SPI1: variants seen among roughly 807,000 people sequenced by gnomAD.
SPI1 encodes transcription factor PU.1.
SPI1 carries 3 observed loss-of-function variants against 30.7 expected under a neutral mutation model. The ratio of observed to expected loss-of-function variants is 0.10; its 90% CI spans 0.04 to 0.25. The LOEUF is 0.25. SPI1 is among the 10% of genes least tolerant of loss of function. SPI1 has a pLI of 1.00. For missense variants in SPI1, 261 were observed against 371.5 expected (o/e 0.70, Z 2.45); for synonymous variants, 169 against 157.1 (o/e 1.08, Z -0.56).
chr11:47,358,725 G>A, intron 4 of SPI1, 119 bp downstream of exon 4: 6 of 943,256 alleles, frequency 6.4e-6, no homozygotes, highest in Non-Finnish European at 8.2e-6. Flanking sequence ...TGGCAAACAT[G>A]CACACACACA....
chr11:47,362,066 G>A (rs1394470474), intron 2 of SPI1, among the ~76,000 whole-genome samples: 1 of 152,126 alleles, frequency 6.6e-6, no homozygotes, highest in East Asian at 1.9e-4. Flanking sequence ...ACCACTGTGT[G>A]ACAATGGGCA....
Position 47,355,165 on chromosome 11 carries a change from G to T in SPI1, c.*62C>A. 1 of 1,241,950 alleles carries T rather than the reference G, an allele frequency of 8.1e-7. No homozygotes were observed. Among genetic ancestry groups the T allele is most frequent in the South Asian group, 2.7e-5 (1 of 37,704 alleles). 76.9% of individuals were successfully genotyped at this position (1,241,950 alleles called of 1,614,324 possible). On this transcript the variant is annotated 3_prime_UTR_variant, in exon 5 of 5. Coordinates refer to ENST00000378538, the MANE Select transcript of SPI1 (RefSeq NM_003120.3). Reference sequence around the variant, plus strand: ...GAGCGTCCTCCCTGTGTCCGGGCCGGGCGAGGGCTTAATGCTATGGCCAGC... The same window carrying T: ...GAGCGTCCTCCCTGTGTCCGGGCCGTGCGAGGGCTTAATGCTATGGCCAGC...
chr11:47,363,090 T>A (rs2095923242), intron 2 of SPI1, among the ~76,000 whole-genome samples: 1 of 152,188 alleles, frequency 6.6e-6, no homozygotes, highest in African/African-American at 2.4e-5. Context: ...GTCACTGCAG[T>A]TGAAGCCCAA....
intron 2 of SPI1, among the ~76,000 whole-genome samples, chr11:47,370,469 C>T (rs1001380587): frequency 6.0e-5 from 9 of 150,802 alleles, no homozygotes; most frequent in Admixed American, 3.3e-4. Flanking sequence ...TTTGGGAGTC[C>T]GAGGCGGGCA....
At chr11:47,365,707 A>T (rs2095927153) in intron 2 of SPI1, among the ~76,000 whole-genome samples, 1 of 151,772 alleles carries the variant, frequency 6.6e-6, no homozygotes, top group African/African-American at 2.4e-5. Flanking sequence ...TTTTTATTTT[A>T]TTTTTTTGAG....
At chr11:47,356,555 CAT>C (rs1454247557) in intron 4 of SPI1, among the ~76,000 whole-genome samples, 1 of 151,160 alleles carries the variant, frequency 6.6e-6, no homozygotes, top group Non-Finnish European at 1.5e-5. Context: ...TTCACACACT[CAT>C]GTTCACACAC....
At chr11:47,373,050 G>A (rs939023839) in intron 2 of SPI1, among the ~76,000 whole-genome samples, 21 of 152,146 alleles carry the variant, frequency 1.4e-4, no homozygotes, top group African/African-American at 4.8e-4. Flanking sequence ...ACCTTCCAGC[G>A]GGTATAAAAA....
At chr11:47,362,477 C>G (rs547272995) in intron 2 of SPI1, among the ~76,000 whole-genome samples, 1 of 151,774 alleles carries the variant, frequency 6.6e-6, no homozygotes, top group Non-Finnish European at 1.5e-5. Context: ...GAGGCTGATA[C>G]GAAAAGATCG....
intron 1 of SPI1, among the ~76,000 whole-genome samples, chr11:47,376,814 GACC>G (rs2095942996): frequency 1.3e-5 from 2 of 152,162 alleles, no homozygotes; most frequent in Admixed American, 1.3e-4. Flanking sequence ...GGGCTTGGGG[GACC>G]GGGGCTGCCT....
chr11:47,367,127 G>A (rs945072872), intron 2 of SPI1, among the ~76,000 whole-genome samples: 4 of 152,202 alleles, frequency 2.6e-5, no homozygotes, highest in Non-Finnish European at 5.9e-5. Context: ...GATTAGATGG[G>A]TGTGTGAATA....
chr11:47,357,130 TCACA>T (rs370316224), intron 4 of SPI1, among the ~76,000 whole-genome samples: 4 of 148,488 alleles, frequency 2.7e-5, no homozygotes, highest in African/African-American at 1.0e-4. Context: ...TGCTCACACC[TCACA>T]CATGCTCACA....
At chr11:47,356,160 A>C (rs1287310278) in intron 4 of SPI1, among the ~76,000 whole-genome samples, 2 of 149,898 alleles carry the variant, frequency 1.3e-5, no homozygotes, top group East Asian at 4.0e-4. Flanking sequence ...ATCTGCCCTC[A>C]CACACTGTCA....
At chr11:47,356,085 G>A (rs897204302) in intron 4 of SPI1, among the ~76,000 whole-genome samples, 1 of 148,154 alleles carries the variant, frequency 6.7e-6, no homozygotes, top group Non-Finnish European at 1.5e-5. Context: ...TCACACACAT[G>A]CTTGTGCAAT....
chr11:47,356,492 C>T (rs763428521), intron 4 of SPI1, among the ~76,000 whole-genome samples: 26 of 143,630 alleles, frequency 1.8e-4, no homozygotes, highest in Non-Finnish European at 3.6e-4. Flanking sequence ...CCCAATGCAC[C>T]TTCTCACACT....
chr11:47,356,255 G>A (rs979288348), intron 4 of SPI1, among the ~76,000 whole-genome samples: 2 of 143,956 alleles, frequency 1.4e-5, no homozygotes, highest in Non-Finnish European at 3.1e-5. Context: ...CCACACACTG[G>A]CACCCACACG....
chr11:47,378,212 A>G, intron 1 of SPI1, 97 bp downstream of exon 1: 1 of 1,324,086 alleles, frequency 7.6e-7, no homozygotes, highest in Non-Finnish European at 1.1e-6. Flanking sequence ...ACTGATAGCA[A>G]GCCAGGAGGG....
At chr11:47,363,256 CA>C (rs2095923447) in intron 2 of SPI1, among the ~76,000 whole-genome samples, 1 of 152,226 alleles carries the variant, frequency 6.6e-6, no homozygotes, top group Admixed American at 6.5e-5. Context: ...TGCAGTGGCT[CA>C]CGCCTGTAAT....
chr11:47,364,400 G>A (rs1451445237), intron 2 of SPI1, among the ~76,000 whole-genome samples: 1 of 152,112 alleles, frequency 6.6e-6, no homozygotes, highest in African/African-American at 2.4e-5. Context: ...CGCTGTAGGA[G>A]AGTTTGCTCT....
chr11:47,360,341 G>A (rs1216687467), intron 2 of SPI1, among the ~76,000 whole-genome samples: 3 of 152,168 alleles, frequency 2.0e-5, no homozygotes, highest in East Asian at 1.9e-4. Context: ...CAGACCGAGC[G>A]TCTAATCCTG....
Sources: gnomAD v4.1 joint callset for allele counts (sites outside exome capture counted in the v4.1 genomes callset) on GRCh38, gnomAD v4.1.1 for gene constraint, MANE v1.5 for transcripts, NCBI Gene and HGNC (gene_info 2026-07-23, HGNC 2026-07-21) for gene names.